The following DLGAP2 variants were observed in gnomAD, a reference collection of about 807,000 sequenced individuals.
DLGAP2 encodes the protein DLG associated protein 2, also known as disks large-associated protein 2.
In DLGAP2, 26 loss-of-function variants were observed where a neutral mutation model predicts 100.3. The ratio of observed to expected loss-of-function variants is 0.26; its 90% CI spans 0.19 to 0.36. DLGAP2 has a LOEUF of 0.36. Among genes scored for constraint, DLGAP2 ranks in the 10% least tolerant of loss-of-function variants. The pLI, the probability that DLGAP2 is intolerant of heterozygous loss-of-function variation, is 1.00. For missense variants in DLGAP2, 1,858 were observed against 1,453.2 expected (o/e 1.28, Z -4.53); for synonymous variants, 886 against 630.1 (o/e 1.41, Z -6.08).
intron 5 of DLGAP2, among the ~76,000 whole-genome samples, chr8:1,560,183 C>T (rs144409206): frequency 5.9e-5 from 9 of 152,206 alleles, no homozygotes; most frequent in African/African-American, 2.2e-4. Context: ...AGTGACGGTC[C>T]CTGTTTCACA....
At chr8:848,405 C>T (rs1797113027) in intron 1 of DLGAP2, among the ~76,000 whole-genome samples, 2 of 107,688 alleles carry the variant, frequency 1.9e-5, no homozygotes, top group South Asian at 3.5e-4. Context: ...AGTGTAGGGT[C>T]GTGCGGTGCC....
intron 3 of DLGAP2, among the ~76,000 whole-genome samples, chr8:1,342,563 T>C: frequency 6.6e-6 from 1 of 152,130 alleles, no homozygotes. Context: ...TGTGGTAGGG[T>C]AAGTTTCGAT....
chr8:1,483,319 C>T (rs1223374888), intron 3 of DLGAP2, among the ~76,000 whole-genome samples: 11 of 152,172 alleles, frequency 7.2e-5, no homozygotes, highest in African/African-American at 1.7e-4. Context: ...GTGAGCGTGG[C>T]GGGCAGAGAC....
intron 3 of DLGAP2, among the ~76,000 whole-genome samples, chr8:1,491,216 C>G (rs1467001895): frequency 6.6e-6 from 1 of 151,990 alleles, no homozygotes; most frequent in African/African-American, 2.4e-5. Context: ...CAAAAATGCT[C>G]GCTGTTTCTC....
chr8:1,448,932 G>T (rs1444683068), intron 3 of DLGAP2, among the ~76,000 whole-genome samples: 1 of 152,122 alleles, frequency 6.6e-6, no homozygotes, highest in Non-Finnish European at 1.5e-5. Context: ...AGCCGCTGCT[G>T]GGCCTTCAAG....
chr8:1,096,966 G>C (rs1237422618), intron 2 of DLGAP2, among the ~76,000 whole-genome samples: 5 of 144,564 alleles, frequency 3.5e-5, no homozygotes, highest in Non-Finnish European at 6.1e-5. Context: ...CTGTGGCATA[G>C]AGAGGACCCC....
At chr8:1,086,941 C>A (rs1376799789) in intron 2 of DLGAP2, among the ~76,000 whole-genome samples, 5 of 152,120 alleles carry the variant, frequency 3.3e-5, no homozygotes, top group African/African-American at 9.7e-5. Flanking sequence ...CCAAAAACAG[C>A]TAAAGGATAC....
chr8:852,290 C>T (rs560376690), intron 1 of DLGAP2, among the ~76,000 whole-genome samples: 29 of 152,304 alleles, frequency 1.9e-4, no homozygotes, highest in South Asian at 1.0e-3. Context: ...AGGCCACAGG[C>T]CTGGGGCTCT....
At chr8:808,419 A>G (rs563406256) in intron 1 of DLGAP2, among the ~76,000 whole-genome samples, 57 of 152,298 alleles carry the variant, frequency 3.7e-4, no homozygotes, top group Non-Finnish European at 6.9e-4. Context: ...GAGATCCAGG[A>G]AGGTCACATT....
chr8:867,192 T>G (rs917214832), intron 1 of DLGAP2, among the ~76,000 whole-genome samples: 2 of 152,232 alleles, frequency 1.3e-5, no homozygotes, highest in Non-Finnish European at 2.9e-5. Flanking sequence ...TGATCGGGGA[T>G]CTATTTGCTT....
At chr8:1,586,624 C>G (rs1358231918) in intron 6 of DLGAP2, among the ~76,000 whole-genome samples, 2 of 152,178 alleles carry the variant, frequency 1.3e-5, no homozygotes, top group Non-Finnish European at 2.9e-5. Flanking sequence ...AGATGTGGCA[C>G]CAGCGTGGAA....
intron 3 of DLGAP2, among the ~76,000 whole-genome samples, chr8:1,410,610 T>C (rs141335284): frequency 2.0e-5 from 3 of 152,330 alleles, no homozygotes; most frequent in Admixed American, 1.3e-4. Flanking sequence ...AGTGAAATTA[T>C]GGCTTAAAAC....
At chr8:1,127,418 G>A (rs984131323) in intron 2 of DLGAP2, among the ~76,000 whole-genome samples, 3 of 151,668 alleles carry the variant, frequency 2.0e-5, no homozygotes, top group South Asian at 2.1e-4. Context: ...AGGTCCCTTC[G>A]TGTGTGGAGG....
chr8:1,680,429 T>G (rs898824615), intron 12 of DLGAP2: 1 of 152,256 alleles, frequency 6.6e-6, no homozygotes, highest in Non-Finnish European at 1.5e-5. Context: ...CGTGCTGATT[T>G]TTTATTGTTA....
At chr8:1,670,423 C>T (rs1160650800) in intron 10 of DLGAP2, among the ~76,000 whole-genome samples, 1 of 152,204 alleles carries the variant, frequency 6.6e-6, no homozygotes, top group Non-Finnish European at 1.5e-5. Flanking sequence ...ATCCCCCCAG[C>T]TTCCCCTGCA....
At chr8:1,127,266 C>T (rs1796188736) in intron 2 of DLGAP2, among the ~76,000 whole-genome samples, 2 of 151,820 alleles carry the variant, frequency 1.3e-5, no homozygotes, top group East Asian at 2.0e-4. Flanking sequence ...TAGCTGGGCT[C>T]ATTGGGGTGA....
intron 12 of DLGAP2, among the ~76,000 whole-genome samples, chr8:1,685,436 T>C (rs1022978177): frequency 6.6e-6 from 1 of 152,160 alleles, no homozygotes; most frequent in African/African-American, 2.4e-5. Context: ...TAATGGAACG[T>C]CCACTGCTTC....
At position 1,199,490 on chromosome 8, in the gene DLGAP2, G is replaced by T. The variant is rs537012177; in HGVS notation, c.74-59361G>T. Among the ~76,000 whole-genome samples the T allele has an allele frequency of 3.6e-3, 551 of 152,326 alleles. 3 individuals are homozygous for T. The highest frequency in any genetic ancestry group is 0.013 in the African/African-American group (535 of 41,570). ...GGAGGACACAGTAAAGGCACAGGCAGTCCAGTGAAGGCTGCCTGTGTGTCT... is the reference window on the plus strand; with the variant it reads ...GGAGGACACAGTAAAGGCACAGGCATTCCAGTGAAGGCTGCCTGTGTGTCT... On this transcript the variant is annotated intron_variant, in intron 2 of 14. Transcript: ENST00000637795.
At chr8:849,010 C>A (rs1247866026) in intron 1 of DLGAP2, among the ~76,000 whole-genome samples, 1 of 149,182 alleles carries the variant, frequency 6.7e-6, no homozygotes, top group Non-Finnish European at 1.5e-5. Flanking sequence ...CGTGAGGTGC[C>A]TGTTCCAGTA....
Sources: gnomAD v4.1 joint callset for allele counts (sites outside exome capture counted in the v4.1 genomes callset) on GRCh38, gnomAD v4.1.1 for gene constraint, MANE v1.5 for transcripts, NCBI Gene and HGNC (gene_info 2026-07-23, HGNC 2026-07-21) for gene names.